ADGRA3: variants seen among roughly 807,000 people sequenced by gnomAD.
The protein encoded by ADGRA3 is G-protein coupled receptor 125.
ADGRA3 carries 56 observed loss-of-function variants against 119.8 expected under a neutral mutation model. The observed-to-expected ratio is 0.47, with a 90% confidence interval of 0.38 to 0.58. The LOEUF (loss-of-function observed/expected upper bound fraction) is 0.58, where lower values mean the gene tolerates loss of function less well. Ranked by LOEUF, ADGRA3 falls within the 20% of genes least tolerant of loss-of-function variation. The probability of loss-of-function intolerance (pLI) is 0.00; values close to 1 mark genes in which losing one functional copy is unlikely to be tolerated. For synonymous variants in ADGRA3, 607 were observed against 623.8 expected (o/e 0.97, Z 0.40); for missense variants, 1,516 against 1,649.0 (o/e 0.92, Z 1.40).
In ADGRA3 at chr4:22,503,994, T is replaced by G. The variant is rs140505058; in HGVS notation, c.257+11534A>C. Among the ~76,000 whole-genome samples the G allele has an allele frequency of 3.8e-4, 58 of 152,226 alleles. No individual in the cohort carries two copies. The East Asian group carries it at 0.01, about 26-fold the overall frequency. ...GAGTTAGCAATTTTGACAAAAGATT[T>G]TCTCATGCTTATCACAGCCCTGTCT... On this transcript the variant is annotated intron_variant, in intron 1 of 18. Transcript: ENST00000334304.
chr4:22,394,050 TGGA>T (rs1451684746), intron 16 of ADGRA3: 2 of 152,212 alleles, frequency 1.3e-5, no homozygotes, highest in Non-Finnish European at 2.9e-5. Context: ...CATATGTCAC[TGGA>T]GTATCAAGGA....
intron 16 of ADGRA3, among the ~76,000 whole-genome samples, chr4:22,397,772 C>A (rs142100998): frequency 6.6e-6 from 1 of 152,122 alleles, no homozygotes; most frequent in Non-Finnish European, 1.5e-5. Context: ...CCTGCTGCCA[C>A]GAAAGACATG....
rs549842580 is a variant in ADGRA3 at position 22,514,736 on chromosome 4, C to G, written c.257+792G>C. Among the ~76,000 whole-genome samples, 5 of 152,276 alleles carry G rather than the reference C, an allele frequency of 3.3e-5. No individual in the cohort carries two copies. In the East Asian group the frequency reaches 9.7e-4, roughly 29 times the overall value. On this transcript the variant is annotated intron_variant, in intron 1 of 18. Coordinates refer to ENST00000334304, the MANE Select transcript of ADGRA3 (RefSeq NM_145290.4). Reference sequence around the variant, plus strand: ...TCGACAGTCACTGGGGCCAACTGTTCAGCTAGAATTGGCAAAACTACGTTT... The same window carrying G: ...TCGACAGTCACTGGGGCCAACTGTTGAGCTAGAATTGGCAAAACTACGTTT...
At chr4:22,449,766 C>CCTAA (rs1341541536) in intron 4 of ADGRA3, among the ~76,000 whole-genome samples, 2 of 151,652 alleles carry the variant, frequency 1.3e-5, no homozygotes, top group Non-Finnish European at 2.9e-5. Context: ...ACACCTTAAG[C>CCTAA]CTAAGGCTAA....
At position 22,438,258 on chromosome 4, in the gene ADGRA3, G is replaced by A. The variant is rs758392440; in HGVS notation, c.1083C>T (p.Phe361=). Residue 361 remains phenylalanine (F), a splice_region_variant and synonymous_variant, in exon 8 of 19, where the codon TTC becomes TTT. Coordinates refer to ENST00000334304, the MANE Select transcript of ADGRA3 (RefSeq NM_145290.4). The part of the protein sequence containing the change: ...PERVVNNKGD[F]RWPRTLAGIT... ...CCCGTATTTTCCACAACACTGACCT[G>A]AAGTCACCTTTGTTGTTTACCACCC... The A allele has an allele frequency of 1.9e-6, 3 of 1,609,892 alleles. No individual in the cohort carries two copies. The highest frequency in any genetic ancestry group is 2.7e-5 in the African/African-American group (2 of 74,834).
chr4:22,463,746 C>T (rs1462483812), intron 2 of ADGRA3, among the ~76,000 whole-genome samples: 1 of 152,148 alleles, frequency 6.6e-6, no homozygotes, highest in Non-Finnish European at 1.5e-5. Context: ...TAGTTGGATT[C>T]CCCAGAAATT....
intron 1 of ADGRA3, among the ~76,000 whole-genome samples, chr4:22,497,748 C>A (rs1419262833): frequency 8.8e-6 from 1 of 113,084 alleles, no homozygotes; most frequent in Non-Finnish European, 1.7e-5. Flanking sequence ...AAGATCGCAT[C>A]ATTGCTGTCT....
chr4:22,470,900 A>G (rs1717837338), intron 2 of ADGRA3, among the ~76,000 whole-genome samples: 1 of 152,118 alleles, frequency 6.6e-6, no homozygotes, highest in South Asian at 2.1e-4. Flanking sequence ...TGGAGAAAGC[A>G]CCTCAGGGCG....
intron 12 of ADGRA3, among the ~76,000 whole-genome samples, chr4:22,415,544 GC>G (rs1260772804): frequency 2.0e-5 from 3 of 152,010 alleles, no homozygotes; most frequent in African/African-American, 7.2e-5. Context: ...AATGACACAT[GC>G]AAAGAGAGAA....
intron 3 of ADGRA3, among the ~76,000 whole-genome samples, chr4:22,458,100 C>T (rs1469008082): frequency 2.0e-5 from 3 of 152,318 alleles, no homozygotes; most frequent in Admixed American, 1.3e-4. Flanking sequence ...CATACTTTCA[C>T]ATCAGAATCA....
intron 7 of ADGRA3, among the ~76,000 whole-genome samples, 168 bp downstream of exon 7, chr4:22,442,482 A>G (rs892772771): frequency 6.6e-6 from 1 of 152,160 alleles, no homozygotes; most frequent in Non-Finnish European, 1.5e-5. Context: ...ATGGCTATTT[A>G]ATTTTAGAAG....
At chr4:22,395,181 C>T (rs1167227322) in intron 16 of ADGRA3, among the ~76,000 whole-genome samples, 3 of 152,188 alleles carry the variant, frequency 2.0e-5, no homozygotes, top group South Asian at 2.1e-4. Context: ...CACCTTACCT[C>T]GGGACACTAA....
Position 22,413,380 on chromosome 4 carries a change from A to C in ADGRA3, c.2034T>G (p.Asn678Lys), listed in dbSNP as rs1715297196. The C allele has an allele frequency of 6.2e-7, 1 of 1,612,990 alleles. No individual in the cohort carries two copies. Among genetic ancestry groups the C allele is most frequent in the African/African-American group, 1.3e-5 (1 of 74,908 alleles). The change falls in exon 14 of 19, where the codon AAT (asparagine) becomes AAG (lysine). Residue 678 changes from asparagine to lysine, a missense_variant. Asn to Lys is a moderately conservative substitution (Grantham distance 94). Around this residue, in one of 2 missense-constraint regions of ADGRA3, gnomAD observed 1,088 missense variants for 1,107.1 expected, o/e 0.98. Coordinates refer to ENST00000334304, the MANE Select transcript of ADGRA3 (RefSeq NM_145290.4). ...PVILTKIDGV[N>K]VDTHHIPVNV... ...TAACAGGGATGTGGTGGGTATCTACATTCACACCATCTGGAGAAAATGGGA... is the reference window on the plus strand; with the variant it reads ...TAACAGGGATGTGGTGGGTATCTACCTTCACACCATCTGGAGAAAATGGGA...
At position 22,460,946 on chromosome 4, in the gene ADGRA3, T is replaced by C. The variant is rs143479042; in HGVS notation, c.401+791A>G. Among the ~76,000 whole-genome samples, 682 of 152,134 alleles carry C rather than the reference T, an allele frequency of 4.5e-3. 9 individuals carry two copies. Among genetic ancestry groups the C allele is most frequent in the African/African-American group, 0.015 (634 of 41,504 alleles). On this transcript the variant is annotated intron_variant, in intron 3 of 18. Transcript: ENST00000334304. The stretch of plus-strand genomic sequence containing the variant: ...CTTTTGTGTAGAGCCGCTTCTCAAA[T>C]GTGGGCCTGCTCAGACAGCAACTGT...
At chr4:22,480,072 C>A (rs1379017050) in intron 1 of ADGRA3, among the ~76,000 whole-genome samples, 2 of 152,082 alleles carry the variant, frequency 1.3e-5, no homozygotes, top group African/African-American at 4.8e-5. Context: ...TGCAGCAAAC[C>A]ACCATGGCAC....
At chr4:22,411,803 T>C (rs148443405) in intron 14 of ADGRA3, among the ~76,000 whole-genome samples, 1,628 of 152,222 alleles carry the variant, frequency 0.011, 14 homozygotes, top group Non-Finnish European at 0.018. Context: ...TCTATAAACA[T>C]ACATGTTTAA....
intron 1 of ADGRA3, among the ~76,000 whole-genome samples, chr4:22,490,806 A>G (rs2109148520): frequency 6.6e-6 from 1 of 152,336 alleles, no homozygotes; most frequent in Middle Eastern, 3.4e-3. Flanking sequence ...AAAGATCTGT[A>G]TTTGTTTTCT....
intron 2 of ADGRA3, among the ~76,000 whole-genome samples, chr4:22,472,358 T>TG (rs1365349356): frequency 1.3e-5 from 2 of 152,150 alleles, no homozygotes; most frequent in African/African-American, 2.4e-5. Flanking sequence ...TGTCCATTCC[T>TG]GAACCAGCAG....
At chr4:22,390,331 T>TAG (rs1714063211) in intron 17 of ADGRA3, among the ~76,000 whole-genome samples, 1 of 133,346 alleles carries the variant, frequency 7.5e-6, no homozygotes, top group Admixed American at 8.0e-5. Context: ...TATATATATA[T>TAG]ATATATAAAA....
Sources: gnomAD v4.1 joint callset for allele counts (sites outside exome capture counted in the v4.1 genomes callset) on GRCh38, gnomAD v4.1.1 for gene constraint, gnomAD v4.1.1 regional missense constraint, MANE v1.5 for transcripts, NCBI Gene and HGNC (gene_info 2026-07-23, HGNC 2026-07-21) for gene names.